The following TAF4 variants were observed in gnomAD, a reference collection of about 807,000 sequenced individuals.
TAF4 encodes the protein TATA-box binding protein associated factor 4.
In TAF4, 9 loss-of-function variants were observed where a neutral mutation model predicts 90.3. The ratio of observed to expected loss-of-function variants is 0.10; its 90% CI spans 0.06 to 0.17. The LOEUF (loss-of-function observed/expected upper bound fraction) is 0.17. Among genes scored for constraint, TAF4 ranks in the 10% least tolerant of loss-of-function variants. The probability of loss-of-function intolerance (pLI) is 1.00; values close to 1 mark genes in which losing one functional copy is unlikely to be tolerated. For missense variants in TAF4, 1,351 were observed against 1,370.7 expected (o/e 0.99, Z 0.23); for synonymous variants, 818 against 638.9 (o/e 1.28, Z -4.23).
At chr20:62,019,867 G>C (rs138403636) in intron 1 of TAF4, among the ~76,000 whole-genome samples, 5 of 152,352 alleles carry the variant, frequency 3.3e-5, no homozygotes, top group Non-Finnish European at 5.9e-5. Flanking sequence ...CAACCACACG[G>C]GCACCTGCAC....
intron 14 of TAF4, among the ~76,000 whole-genome samples, chr20:61,987,606 C>G (rs536623304): frequency 1.3e-5 from 2 of 152,318 alleles, no homozygotes; most frequent in South Asian, 4.2e-4. Flanking sequence ...AAACAGGACC[C>G]TCAGCCGTGG....
intron 1 of TAF4, among the ~76,000 whole-genome samples, chr20:62,042,516 A>G (rs909173845): frequency 6.6e-6 from 1 of 152,202 alleles, no homozygotes; most frequent in Non-Finnish European, 1.5e-5. Flanking sequence ...GGCAACTGCT[A>G]AAAGAGCATT....
At chr20:62,045,176 C>G (rs1267865588) in intron 1 of TAF4, among the ~76,000 whole-genome samples, 1 of 152,234 alleles carries the variant, frequency 6.6e-6, no homozygotes, top group Non-Finnish European at 1.5e-5. Context: ...AAAGCCATGC[C>G]GCTCAAACGG....
chr20:62,015,185 G>A (rs75842274), intron 1 of TAF4, among the ~76,000 whole-genome samples: 1 of 152,318 alleles, frequency 6.6e-6, no homozygotes, highest in East Asian at 1.9e-4. Context: ...ACAGAGGGAG[G>A]GTGGGCCACG....
intron 14 of TAF4, 84 bp downstream of exon 14, chr20:61,997,466 T>G (rs1254370369): frequency 5.2e-6 from 7 of 1,344,880 alleles, no homozygotes; most frequent in Non-Finnish European, 6.8e-6. Flanking sequence ...AATTCCCCTA[T>G]GTGTGTCCGT....
At chr20:62,037,788 A>G in intron 1 of TAF4, 1 of 218,822 alleles carries the variant, frequency 4.6e-6, no homozygotes, top group Non-Finnish European at 9.6e-6. Context: ...AATGGCATAC[A>G]CTGTTTCTAT....
In TAF4 at chr20:62,006,280, G is replaced by T; in HGVS notation, c.2223+230C>A. ...CAAGGCAGGGCGGGGACGTGCCGGT[G>T]GTTCAAAGCCAACTCAACTATTTCA... On this transcript the variant is annotated intron_variant, in intron 7 of 14. Coordinates refer to ENST00000252996, the MANE Select transcript of TAF4 (RefSeq NM_003185.4). This position sits in a 1 kb window ranked among gnomAD's most constrained non-coding sequence, Gnocchi z 7.0. 2.0e-6 allele frequency: 1 copy of T among 503,418 alleles called. No homozygotes were observed. The highest frequency in any genetic ancestry group is 3.1e-6 in the Non-Finnish European group (1 of 321,868). The allele number at this position is 503,418 out of a possible 1,614,324, so 31.2% of individuals were successfully genotyped here.
intron 14 of TAF4, among the ~76,000 whole-genome samples, chr20:61,983,930 G>A (rs1241280619): frequency 6.6e-6 from 1 of 152,150 alleles, no homozygotes; most frequent in Non-Finnish European, 1.5e-5. Flanking sequence ...GTGTGACAAA[G>A]ACAGATACTT....
rs377268580 is a variant in TAF4, at chr20:62,010,100, C to T, written c.1707G>A (p.Thr569=). The T allele has an allele frequency of 3.7e-6, 6 of 1,613,888 alleles. No individual in the cohort carries two copies. Among genetic ancestry groups the T allele is most frequent in the Non-Finnish European group, 5.1e-6 (6 of 1,180,028 alleles). The change falls in exon 4 of 15, where the codon ACG becomes ACA. Residue 569 remains threonine (T), a synonymous_variant. Transcript: ENST00000252996. The surrounding 1 kb of genome is among the most constrained non-coding windows in gnomAD (Gnocchi z 4.5). Reference sequence around the variant, plus strand: ...CTGGTACCGTGCGCTGAGGAGTCCCCGTCTGAACAGCCGTCGCCGTCCCAA... The same window carrying T: ...CTGGTACCGTGCGCTGAGGAGTCCCTGTCTGAACAGCCGTCGCCGTCCCAA... The part of the protein sequence containing the change: ...ASLGTATAVQ[T]GTPQRTVPGA...
At chr20:61,983,177 G>A (rs1164191327) in intron 14 of TAF4, among the ~76,000 whole-genome samples, 2 of 152,080 alleles carry the variant, frequency 1.3e-5, no homozygotes, top group African/African-American at 4.8e-5. Flanking sequence ...TGCCAGGCCC[G>A]TGCAAACTGC....
rs1446378865 is a variant in TAF4, at chr20:62,065,034, G to A, written c.777C>T (p.Ala259=). 3.6e-6 allele frequency: 2 copies of A among 562,626 alleles called. No homozygotes were observed. Among genetic ancestry groups the A allele is most frequent in the African/African-American group, 4.4e-5 (2 of 45,264 alleles). 34.9% of individuals were successfully genotyped at this position (562,626 alleles called of 1,614,324 possible). The change falls in exon 1 of 15, where the codon GCC becomes GCT. Residue 259 remains alanine (A), a synonymous_variant. Transcript: ENST00000252996. ...PPAPAAPSPP[A]APAPAAPAAA... ...CGGCGGGGGCGGCGGGCGCGGGGGC[G>A]GCGGGGGGCGAGGGCGCGGCGGGCG...
At chr20:62,019,501 G>C (rs191160758) in intron 1 of TAF4, among the ~76,000 whole-genome samples, 6 of 152,288 alleles carry the variant, frequency 3.9e-5, no homozygotes, top group Admixed American at 3.9e-4. Context: ...AACTGAAACA[G>C]TGTGAAACTC....
At chr20:62,027,366 T>C (rs2055880874) in intron 1 of TAF4, among the ~76,000 whole-genome samples, 1 of 152,146 alleles carries the variant, frequency 6.6e-6, no homozygotes, top group South Asian at 2.1e-4. Flanking sequence ...CAGTCCCTCC[T>C]CCCCCTTGGC....
chr20:61,991,578 G>C (rs1445665824), intron 14 of TAF4, among the ~76,000 whole-genome samples: 1 of 152,002 alleles, frequency 6.6e-6, no homozygotes, highest in East Asian at 1.9e-4. Context: ...CAGCATGGGT[G>C]AGAGAGACCC....
chr20:62,062,869 G>A (rs1018109184), intron 1 of TAF4, among the ~76,000 whole-genome samples: 2 of 152,156 alleles, frequency 1.3e-5, no homozygotes, highest in African/African-American at 4.8e-5. Context: ...CTACCCAAAG[G>A]GGTGCAACAG....
At chr20:61,979,905 G>A (rs368435961) in intron 14 of TAF4, among the ~76,000 whole-genome samples, 17 of 152,236 alleles carry the variant, frequency 1.1e-4, no homozygotes, top group Non-Finnish European at 1.6e-4. Flanking sequence ...GAGGGACTGC[G>A]GCATGTGCAG....
At position 62,029,486 on chromosome 20, in the gene TAF4, G is replaced by GCGCACA. The variant is rs148456376; in HGVS notation, c.1361-14780_1361-14779insTGTGCG. Among the ~76,000 whole-genome samples the GCGCACA allele has an allele frequency of 3.4e-4, 50 of 146,188 alleles. 1 individual carries two copies. In the East Asian group the frequency reaches 5.9e-3, roughly 17 times the overall value. The stretch of plus-strand genomic sequence containing the variant: ...GCCCAGTGCCCACGTGCGCGCGCGC[G>GCGCACA]CACACACACACACACACACACTCAT... On this transcript the variant is annotated intron_variant, in intron 1 of 14. Coordinates refer to ENST00000252996, the MANE Select transcript of TAF4 (RefSeq NM_003185.4).
chr20:62,036,535 C>T (rs919640602), intron 1 of TAF4, among the ~76,000 whole-genome samples: 22 of 152,166 alleles, frequency 1.4e-4, no homozygotes, highest in Admixed American at 1.0e-3. Context: ...CAGTATCCCT[C>T]CTGAACCTAC....
chr20:62,004,461 G>A (rs947320852), intron 7 of TAF4: 2 of 151,440 alleles, frequency 1.3e-5, no homozygotes, highest in African/African-American at 4.9e-5. Context: ...GAGCACCTGG[G>A]ACCATAGGCA....
Sources: allele counts gnomAD v4.1 joint callset (sites outside exome capture counted in the v4.1 genomes callset), GRCh38; gene constraint gnomAD v4.1.1; non-coding constraint Gnocchi (gnomAD v3.1); transcripts MANE v1.5; gene names NCBI Gene and HGNC (gene_info 2026-07-23, HGNC 2026-07-21).